SORCS3: variants seen among roughly 807,000 people sequenced by gnomAD.
SORCS3 encodes the protein sortilin related VPS10 domain containing receptor 3, also known as VPS10 domain-containing receptor SorCS3.
SORCS3 carries 57 observed loss-of-function variants against 146.3 expected under a neutral mutation model. That is an observed-to-expected ratio of 0.39 (90% CI 0.31 to 0.49). The LOEUF is 0.49. Ranked by LOEUF, SORCS3 falls within the 20% of genes least tolerant of loss-of-function variation. The pLI, the probability that SORCS3 is intolerant of heterozygous loss-of-function variation, is 0.92. For synonymous variants in SORCS3, 653 were observed against 618.5 expected (o/e 1.06, Z -0.83); for missense variants, 1,341 against 1,575.5 (o/e 0.85, Z 2.52).
chr10:104,730,314 A>G (rs1260793691), intron 1 of SORCS3, among the ~76,000 whole-genome samples: 2 of 152,220 alleles, frequency 1.3e-5, no homozygotes, highest in Non-Finnish European at 2.9e-5. Context: ...GCCACAGCTA[A>G]TCAGGGACAC....
intron 1 of SORCS3, among the ~76,000 whole-genome samples, chr10:104,702,869 C>T (rs796175962): frequency 3.9e-5 from 6 of 152,292 alleles, no homozygotes; most frequent in African/African-American, 1.4e-4. Flanking sequence ...CTTGCTCATT[C>T]CACAGGGTTG....
intron 1 of SORCS3, among the ~76,000 whole-genome samples, chr10:104,830,783 CTTGTGA>C (rs2017991880): frequency 6.6e-6 from 1 of 152,082 alleles, no homozygotes; most frequent in Non-Finnish European, 1.5e-5. Flanking sequence ...TGTATTTAAC[CTTGTGA>C]TTCTGCCTAA....
chr10:105,023,453 G>C (rs1022778812), intron 4 of SORCS3, among the ~76,000 whole-genome samples: 1 of 152,120 alleles, frequency 6.6e-6, no homozygotes, highest in Non-Finnish European at 1.5e-5. Context: ...ACTGTGGGGG[G>C]AGCCTCCTTT....
intron 3 of SORCS3, among the ~76,000 whole-genome samples, chr10:104,941,572 A>G (rs1010599246): frequency 6.6e-6 from 1 of 151,834 alleles, no homozygotes; most frequent in African/African-American, 2.4e-5. Context: ...TTATACAGGC[A>G]CTCCCATTAG....
intron 1 of SORCS3, among the ~76,000 whole-genome samples, chr10:104,677,524 C>G (rs546716928): frequency 6.6e-6 from 1 of 152,294 alleles, no homozygotes; most frequent in East Asian, 1.9e-4. Flanking sequence ...GCCCAGGAAC[C>G]TGGTGCATTT....
chr10:104,863,943 T>C (rs1288933494), intron 2 of SORCS3, among the ~76,000 whole-genome samples: 1 of 152,174 alleles, frequency 6.6e-6, no homozygotes, highest in Non-Finnish European at 1.5e-5. Flanking sequence ...AGTTGCCAGA[T>C]TGCCTATCAG....
At chr10:104,777,808 G>A (rs149303795) in intron 1 of SORCS3, among the ~76,000 whole-genome samples, 265 of 152,264 alleles carry the variant, frequency 1.7e-3, no homozygotes, top group African/African-American at 6.2e-3. Flanking sequence ...TGAGGGTACT[G>A]ATATCATTTT....
chr10:104,939,152 C>T (rs1409326836), intron 3 of SORCS3, among the ~76,000 whole-genome samples: 1 of 152,208 alleles, frequency 6.6e-6, no homozygotes, highest in Non-Finnish European at 1.5e-5. Context: ...GAGTCTAGTA[C>T]CTCTGGCTGG....
At chr10:104,884,503 T>A (rs1159983984) in intron 2 of SORCS3, among the ~76,000 whole-genome samples, 2 of 152,204 alleles carry the variant, frequency 1.3e-5, no homozygotes, top group Non-Finnish European at 2.9e-5. Context: ...AGGGAAAGGA[T>A]GCAGTCAGCA....
At chr10:105,262,567 C>T in intron 26 of SORCS3, 76 bp downstream of exon 26, 1 of 1,440,108 alleles carries the variant, frequency 6.9e-7, no homozygotes. Flanking sequence ...GTCCCCCATA[C>T]ATTACTGGAC....
chr10:105,086,027 T>C (rs541306046), intron 5 of SORCS3, among the ~76,000 whole-genome samples: 2 of 152,308 alleles, frequency 1.3e-5, no homozygotes, highest in South Asian at 4.1e-4. Flanking sequence ...TACATCGTTT[T>C]TATAGACCTG....
intron 1 of SORCS3, among the ~76,000 whole-genome samples, chr10:104,669,188 A>C (rs1156281389): frequency 6.6e-6 from 1 of 152,252 alleles, no homozygotes; most frequent in African/African-American, 2.4e-5. Flanking sequence ...TATAATATAC[A>C]TGTACTAGAG....
intron 3 of SORCS3, among the ~76,000 whole-genome samples, chr10:104,969,381 G>A (rs762585744): frequency 1.3e-5 from 2 of 150,910 alleles, no homozygotes; most frequent in Non-Finnish European, 3.0e-5. Context: ...GGGTTTTGAG[G>A]CAATTAGAGG....
chr10:104,867,631 C>A (rs2018474443), intron 2 of SORCS3, among the ~76,000 whole-genome samples: 1 of 152,112 alleles, frequency 6.6e-6, no homozygotes, highest in African/African-American at 2.4e-5. Flanking sequence ...TTTAAGGAAG[C>A]ATTCACTCTT....
At chr10:104,934,522 G>T (rs2019240751) in intron 3 of SORCS3, among the ~76,000 whole-genome samples, 1 of 152,144 alleles carries the variant, frequency 6.6e-6, no homozygotes, top group African/African-American at 2.4e-5. Context: ...TTTAAAAGTT[G>T]TGTATTTACT....
chr10:105,179,751 T>G (rs568770172), intron 14 of SORCS3, among the ~76,000 whole-genome samples: 1 of 152,332 alleles, frequency 6.6e-6, no homozygotes, highest in South Asian at 2.1e-4. Flanking sequence ...TGAAACCAAC[T>G]GGCCTACTAG....
Position 105,142,955 on chromosome 10 carries a change from C to T in SORCS3, c.1302+3469C>T, listed in dbSNP as rs187283855. 3.3e-5 allele frequency among the ~76,000 whole-genome samples: 5 copies of T among 152,154 alleles called. No individual in the cohort carries two copies. The East Asian group carries it at 9.7e-4, about 29-fold the overall frequency. ...TTGTTTCCTTAGTTTTTACATTTCC[C>T]CAAATACTGATTTATCCTTCACTGC... On this transcript the variant is annotated intron_variant, in intron 8 of 26. Transcript: ENST00000369701.
intron 21 of SORCS3, among the ~76,000 whole-genome samples, chr10:105,246,960 T>A (rs1197788516): frequency 6.6e-6 from 1 of 152,190 alleles, no homozygotes; most frequent in East Asian, 1.9e-4. Flanking sequence ...TGTCTTTCAT[T>A]TCAGATAATA....
At chr10:104,918,893 G>T (rs1328201251) in intron 3 of SORCS3, among the ~76,000 whole-genome samples, 1 of 152,172 alleles carries the variant, frequency 6.6e-6, no homozygotes, top group Non-Finnish European at 1.5e-5. Flanking sequence ...GTGAAGGTTT[G>T]TACCTGTTTG....
Sources: allele counts gnomAD v4.1 joint callset (sites outside exome capture counted in the v4.1 genomes callset), GRCh38; gene constraint gnomAD v4.1.1; transcripts MANE v1.5; gene names NCBI Gene and HGNC (gene_info 2026-07-23, HGNC 2026-07-21).